The following KRT78 variants were observed in gnomAD, a reference collection of about 807,000 sequenced individuals.
KRT78 encodes keratin, type II cytoskeletal 78.
In KRT78, 55 loss-of-function variants were observed where a neutral mutation model predicts 51.4. The observed-to-expected ratio is 1.07, with a 90% CI of 0.86 to 1.34. The LOEUF (loss-of-function observed/expected upper bound fraction) is 1.34. Ranked by LOEUF, KRT78 falls within the 40% of genes most tolerant of loss-of-function variation. The pLI is 0.00. For missense variants in KRT78, 652 were observed against 649.4 expected (o/e 1.00, Z -0.04); for synonymous variants, 291 against 264.3 (o/e 1.10, Z -0.98).
At position 52,848,634 on chromosome 12, in the gene KRT78, C is replaced by T; in HGVS notation, c.297G>A (p.Glu99=). 1 of 1,614,030 alleles carries T rather than the reference C, an allele frequency of 6.2e-7. No individual in the cohort carries two copies. Residue 99 remains glutamate (E), a synonymous_variant, in exon 1 of 9, where the codon GAG becomes GAA. Coordinates refer to ENST00000304620, the MANE Select transcript of KRT78 (RefSeq NM_173352.4). The stretch of plus-strand genomic sequence containing the variant: ...GCACCACCTGGAACTGGGGATCGAT[C>T]TCAATCTTCAGTGGGGTCAGCAGAT... ...NQNLLTPLKI[E]IDPQFQVVRT...
rs115577596 is a variant in KRT78 at position 52,846,347 on chromosome 12, A to C, written c.661-55T>G. On this transcript the variant is annotated intron_variant, in intron 3 of 8. Transcript: ENST00000304620. ...CCCCCTCTTCCTCTTTGGGGTCCCT[A>C]CTCTGGCTCAGGAATTCTGTTCATG... The C allele has an allele frequency of 8.6e-4, 960 of 1,116,618 alleles. 8 individuals are homozygous for C. In the African/African-American group the frequency reaches 0.013, roughly 15 times the overall value. 69.2% of individuals were successfully genotyped at this position (1,116,618 alleles called of 1,614,324 possible).
Position 52,844,803 on chromosome 12 carries a change from T to A in KRT78, c.757-80A>T, listed in dbSNP as rs550958562. 985 of 1,370,712 alleles carry A rather than the reference T, an allele frequency of 7.2e-4. 12 individuals carry two copies. Among genetic ancestry groups the A allele is most frequent in the East Asian group, 3.1e-4 (13 of 42,374 alleles). 84.9% of individuals were successfully genotyped at this position (1,370,712 alleles called of 1,614,324 possible). On this transcript the variant is annotated intron_variant, in intron 4 of 8. Transcript: ENST00000304620. ...AGCCTAGGATGGTTGAGCAGGATGA[T>A]GAATTTCTGCTTACATGCCATGACC...
At position 52,839,320 on chromosome 12, in the gene KRT78, C is replaced by T. The variant is rs1940423858; in HGVS notation, c.1356G>A (p.Gly452=). The change falls in exon 9 of 9, where the codon GGG becomes GGA. Residue 452 remains glycine, a synonymous_variant. Coordinates refer to ENST00000304620, the MANE Select transcript of KRT78 (RefSeq NM_173352.4). The part of the protein sequence containing the change: ...VMSGGVGGGL[G]STCGLGSGKG... ...TCCCACTACCGAGTCCACAAGTGCT[C>T]CCCAAGCCTCCACCAACTCCTCCAG... 1.2e-6 allele frequency: 2 copies of T among 1,613,924 alleles called. No homozygotes were observed. The highest frequency in any genetic ancestry group is 1.7e-6 in the Non-Finnish European group (2 of 1,179,930).
intron 4 of KRT78, among the ~76,000 whole-genome samples, 172 bp from the exon 5 acceptor site, chr12:52,844,895 A>C (rs113558660): frequency 6.6e-6 from 1 of 152,164 alleles, no homozygotes; most frequent in African/African-American, 2.4e-5. Flanking sequence ...TCATTCAAAA[A>C]TGAGAGCCAT....
At chr12:52,846,633 G>A in intron 3 of KRT78, 131 bp downstream of exon 3, 1 of 849,254 alleles carries the variant, frequency 1.2e-6, no homozygotes, top group South Asian at 1.5e-5. Flanking sequence ...ATTTTCCCAG[G>A]GGACCCCTGC....
chr12:52,844,559 C>T lies in KRT78; in HGVS notation c.921G>A (p.Lys307=), dbSNP rs1940594513. The change falls in exon 5 of 9, where the codon AAG becomes AAA. Residue 307 remains lysine (K), a splice_region_variant and synonymous_variant. Coordinates refer to ENST00000304620, the MANE Select transcript of KRT78 (RefSeq NM_173352.4). The stretch of plus-strand genomic sequence containing the variant: ...GGTGCTGCCCCCCAGGTCCCACCAC[C>T]TTGGTCTGGTACAAGGCCTCAGCCT... ...KAEAEALYQT[K]YQELQVSAQL... The T allele has an allele frequency of 1.2e-6, 2 of 1,612,274 alleles. No homozygotes were observed. The highest frequency in any genetic ancestry group is 2.2e-5 in the East Asian group (1 of 44,864).
At chr12:52,848,338 C>T in intron 1 of KRT78, 1 of 1,475,488 alleles carries the variant, frequency 6.8e-7, no homozygotes, top group Non-Finnish European at 9.1e-7. Flanking sequence ...CGCTGGCTGG[C>T]AGTTCTCTGT....
chr12:52,842,952 AG>A (rs1565698662), intron 6 of KRT78, among the ~76,000 whole-genome samples: 4 of 105,088 alleles, frequency 3.8e-5, no homozygotes, highest in African/African-American at 2.7e-4. Context: ...AGAGAGAGAG[AG>A]AGAGAGAGGA....
chr12:52,842,956 AG>A lies in KRT78; in HGVS notation c.1047+1136del, dbSNP rs1565698691. Among the ~76,000 whole-genome samples, 592 of 102,094 alleles carry A rather than the reference AG, an allele frequency of 5.8e-3. 18 individuals are homozygous for A. Among genetic ancestry groups the A allele is most frequent in the African/African-American group, 0.033 (538 of 16,324 alleles). 67.0% of individuals were successfully genotyped at this position (102,094 alleles called of 152,430 possible). A position where few individuals can be genotyped will look rare whatever the true frequency, so the allele number is the denominator to read the frequency against. Reference sequence around the variant, plus strand: ...GAAAGAAAGAGAGAGAGAGAGAGAGAGAGAGGAAGGAAGGAAGGAAGGAAGG... The same window carrying A: ...GAAAGAAAGAGAGAGAGAGAGAGAGAAGAGGAAGGAAGGAAGGAAGGAAGG... On this transcript the variant is annotated intron_variant, in intron 6 of 8. Transcript: ENST00000304620.
At position 52,838,788 on chromosome 12, in the gene KRT78, C is replaced by T; in HGVS notation, c.*325G>A. On this transcript the variant is annotated 3_prime_UTR_variant, in exon 9 of 9. Transcript: ENST00000304620. ...GGGAGATGGAGGGCACCCCAAGGAACACACTGGAGAGCTTGAAGGATCCCT... is the reference window on the plus strand; with the variant it reads ...GGGAGATGGAGGGCACCCCAAGGAATACACTGGAGAGCTTGAAGGATCCCT... 3 of 357,816 alleles carry T rather than the reference C, an allele frequency of 8.4e-6. No homozygotes were observed. Among genetic ancestry groups the T allele is most frequent in the Middle Eastern group, 8.3e-4 (1 of 1,206 alleles). The allele number at this position is 357,816 out of a possible 1,614,324, so 22.2% of individuals were successfully genotyped here.
At chr12:52,848,407 G>A in intron 1 of KRT78, 140 bp downstream of exon 1, 1 of 1,410,066 alleles carries the variant, frequency 7.1e-7, no homozygotes. Flanking sequence ...AGTCCAGTTA[G>A]TCCACAGGAG....
chr12:52,840,702 T>G (rs909927161), intron 6 of KRT78, among the ~76,000 whole-genome samples: 1 of 151,788 alleles, frequency 6.6e-6, no homozygotes, highest in African/African-American at 2.4e-5. Context: ...CAAGACTCCA[T>G]CTCAAAAAAT....
rs200885482 is a variant in KRT78, at chr12:52,844,613, G to A, written c.867C>T (p.Tyr289=). The change falls in exon 5 of 9, where the codon TAC becomes TAT. Residue 289 remains tyrosine (Y), a synonymous_variant. Transcript: ENST00000304620. ...SSIITEVRAR[Y]EEIARSSKAE... ...CCTTGCTGCTCCGGGCGATCTCCTC[G>A]TACCGGGCGCGGACCTCAGTGATGA... 108 of 1,613,996 alleles carry A rather than the reference G, an allele frequency of 6.7e-5. No individual in the cohort carries two copies. In the Middle Eastern group the frequency reaches 1.8e-3, roughly 27 times the overall value.
At chr12:52,845,379 C>T (rs753866094) in intron 4 of KRT78, among the ~76,000 whole-genome samples, 2 of 152,148 alleles carry the variant, frequency 1.3e-5, no homozygotes, top group South Asian at 2.1e-4. Context: ...TCCTGCATTT[C>T]CTCAGACAGC....
Position 52,848,837 on chromosome 12 carries a change from T to C in KRT78, c.94A>G (p.Ser32Gly). Residue 32 changes from serine to glycine, a missense_variant, in exon 1 of 9, where the codon AGC becomes GGC. Ser to Gly is a moderately conservative substitution (Grantham distance 56, BLOSUM62 0). Transcript: ENST00000304620. ...CTCCTGCTGCTGAAGCCGCCCCTGC[T>C]GCTGAAGCCTCCCCTGCTGCGGCCC... ...SRGRSRGGFS[S>G]RGGFSSRSLN... is the part of the protein sequence containing the mutation. 1 of 1,613,274 alleles carries C rather than the reference T, an allele frequency of 6.2e-7. No homozygotes were observed. The highest frequency in any genetic ancestry group is 1.1e-5 in the South Asian group (1 of 90,990).
In KRT78 at chr12:52,848,541, C is replaced by G; in HGVS notation, c.384+6G>C. 2 of 1,613,562 alleles carry G rather than the reference C, an allele frequency of 1.2e-6. No individual in the cohort carries two copies. The highest frequency in any genetic ancestry group is 1.7e-6 in the Non-Finnish European group (2 of 1,179,718). Reference sequence around the variant, plus strand: ...GAGACAGGGGCTTGGCTGAGTTGACCCTCACCTTGTCAATGAAGGAAGCAA... The same window carrying G: ...GAGACAGGGGCTTGGCTGAGTTGACGCTCACCTTGTCAATGAAGGAAGCAA... On this transcript the variant is annotated splice_donor_region_variant and intron_variant, in intron 1 of 8. Coordinates refer to ENST00000304620, the MANE Select transcript of KRT78 (RefSeq NM_173352.4).
chr12:52,846,065 A>T (rs1940634972), intron 4 of KRT78, 132 bp downstream of exon 4: 1 of 630,332 alleles, frequency 1.6e-6, no homozygotes, highest in African/African-American at 1.8e-5. Context: ...TTGGTTGTCA[A>T]GTGACTGAAT....
intron 8 of KRT78, 23 bp from the exon 9 acceptor site, chr12:52,839,395 A>T: frequency 6.2e-7 from 1 of 1,612,574 alleles, no homozygotes; most frequent in Non-Finnish European, 8.5e-7. Flanking sequence ...GCACCGGGTC[A>T]GAGCAGGGTC....
At chr12:52,846,873 C>T (rs11170286) in intron 2 of KRT78, 49 bp from the exon 3 acceptor site, 41,411 of 1,432,022 alleles carry the variant, frequency 0.029, 2,880 homozygotes, top group East Asian at 0.21. Flanking sequence ...ACGGTCAGAG[C>T]TCATGCCCCC....
Sources: allele counts gnomAD v4.1 joint callset (sites outside exome capture counted in the v4.1 genomes callset), GRCh38; gene constraint gnomAD v4.1.1; transcripts MANE v1.5; gene names NCBI Gene and HGNC (gene_info 2026-07-23, HGNC 2026-07-21).